Variants in FXR2 observed in about 807,000 individuals in gnomAD.
FXR2 encodes the protein FMR1 autosomal homolog 2, also known as RNA-binding protein FXR2.
A neutral mutation model predicts 87.3 loss-of-function variants in FXR2; 9 were observed. The observed-to-expected ratio is 0.10, with a 90% CI of 0.06 to 0.18. The LOEUF is 0.18. Ranked by LOEUF, FXR2 falls within the 10% of genes least tolerant of loss-of-function variation. FXR2 has a pLI of 1.00. For missense variants in FXR2, 661 were observed against 893.6 expected, an observed-to-expected ratio of 0.74 and a Z score of 3.32; for synonymous variants, 331 against 328.3, an observed-to-expected ratio of 1.01 and a Z score of -0.09.
Position 7,603,999 on chromosome 17 carries a change from A to G in FXR2, c.300+10T>C. On this transcript the variant is annotated intron_variant, in intron 4 of 16. Coordinates refer to ENST00000250113, the MANE Select transcript of FXR2 (RefSeq NM_004860.4). ...TCAGTAGTTCTCCAAAGGCATTCCC[A>G]GTCACTCACATCTCCCTTCATCATC... The G allele has an allele frequency of 6.3e-7, 1 of 1,597,110 alleles. No homozygotes were observed. The highest frequency in any genetic ancestry group is 1.7e-4 in the Middle Eastern group (1 of 6,046).
intron 1 of FXR2, among the ~76,000 whole-genome samples, chr17:7,607,339 GA>G (rs948438306): frequency 3.3e-5 from 5 of 150,460 alleles, no homozygotes; most frequent in Admixed American, 2.7e-4. Context: ...AAAAGAAAAA[GA>G]AAAAGAAATC....
chr17:7,614,237 G>A, intron 1 of FXR2: 2 of 687,542 alleles, frequency 2.9e-6, no homozygotes, highest in East Asian at 2.7e-5. Flanking sequence ...GGAGATGGGG[G>A]TAGAAGCAGG....
At chr17:7,605,924 C>T in intron 2 of FXR2, 173 bp downstream of exon 2, 1 of 643,850 alleles carries the variant, frequency 1.6e-6, no homozygotes, top group Non-Finnish European at 2.7e-6. Flanking sequence ...GGGTCAAATG[C>T]CCCCACCCTC....
At chr17:7,614,184 A>AGCCT in intron 1 of FXR2, 1 of 661,742 alleles carries the variant, frequency 1.5e-6, no homozygotes. Context: ...CGGAGCGGGG[A>AGCCT]GCGCCAAGCC....
rs147657325 is a variant in FXR2 at position 7,601,157 on chromosome 17, C to T, written c.660+252G>A. Among the ~76,000 whole-genome samples, 1,329 of 146,248 alleles carry T rather than the reference C, an allele frequency of 9.1e-3. 19 individuals carry two copies. Among genetic ancestry groups the T allele is most frequent in the African/African-American group, 0.031 (1,239 of 39,374 alleles). Reference sequence around the variant, plus strand: ...TCGTGTCATTGCACTCCAGCCTAGGCGACACAGCGAGACTCTGTCTCCCAA... The same window carrying T: ...TCGTGTCATTGCACTCCAGCCTAGGTGACACAGCGAGACTCTGTCTCCCAA... On this transcript the variant is annotated intron_variant, in intron 7 of 16. Coordinates refer to ENST00000250113, the MANE Select transcript of FXR2 (RefSeq NM_004860.4).
chr17:7,606,157 G>A lies in FXR2; in HGVS notation c.82-8C>T. 2 of 1,536,572 alleles carry A rather than the reference G, an allele frequency of 1.3e-6. No homozygotes were observed. The highest frequency in any genetic ancestry group is 1.4e-5 in the African/African-American group (1 of 72,606). Reference sequence around the variant, plus strand: ...GACATCCTTCACAAAGCCCTAGAATGGATTTTAGAAAAAAGCAAAAAAAAT... The same window carrying A: ...GACATCCTTCACAAAGCCCTAGAATAGATTTTAGAAAAAAGCAAAAAAAAT... On this transcript the variant is annotated splice_polypyrimidine_tract_variant and splice_region_variant and intron_variant, in intron 1 of 16. Coordinates refer to ENST00000250113, the MANE Select transcript of FXR2 (RefSeq NM_004860.4).
Position 7,592,485 on chromosome 17 carries a change from G to T in FXR2, c.1825+19C>A. On this transcript the variant is annotated intron_variant, in intron 15 of 16. Coordinates refer to ENST00000250113, the MANE Select transcript of FXR2 (RefSeq NM_004860.4). The surrounding 1 kb of genome is among the most constrained non-coding windows in gnomAD (Gnocchi z 4.8). ...CTCTCAGCTCTGAGGAAGGATTCTG[G>T]TGTCCAGAGTTGGCTGACCTGGCTG... 1 of 1,606,248 alleles carries T rather than the reference G, an allele frequency of 6.2e-7. No homozygotes were observed. The highest frequency in any genetic ancestry group is 1.1e-5 in the South Asian group (1 of 90,948).
chr17:7,593,452 G>T lies in FXR2; in HGVS notation c.1281C>A (p.Gly427=). 1 of 1,589,546 alleles carries T rather than the reference G, an allele frequency of 6.3e-7. No homozygotes were observed. The highest frequency in any genetic ancestry group is 8.6e-7 in the Non-Finnish European group (1 of 1,168,816). Residue 427 remains glycine (G), a synonymous_variant, in exon 12 of 17, where the codon GGC becomes GGA. Coordinates refer to ENST00000250113, the MANE Select transcript of FXR2 (RefSeq NM_004860.4). This position sits in a 1 kb window ranked among gnomAD's most constrained non-coding sequence, Gnocchi z 6.1. ...SSLHATRTYG[G]SYGGRGRGRR... ...GGCCACGGCCACGGCCCCCATAGCT[G>T]CCCCCATAGGTTCGAGTCGCATGGA...
chr17:7,604,116 AC>A (rs1567751715), intron 3 of FXR2, 36 bp from the exon 4 acceptor site: 1 of 1,467,932 alleles, frequency 6.8e-7, no homozygotes, highest in Admixed American at 2.0e-5. Flanking sequence ...GATATTGAAG[AC>A]CACCCAAAAG....
At chr17:7,611,352 C>A (rs1307246165) in intron 1 of FXR2, among the ~76,000 whole-genome samples, 1 of 152,070 alleles carries the variant, frequency 6.6e-6, no homozygotes. Context: ...ACTTAGATCC[C>A]AGATCTAATA....
Position 7,593,651 on chromosome 17 carries a change from G to A in FXR2, c.1108-26C>T. ...CTGGTTGGGTAAAAGATGGAAGAAG[G>A]GGAAGGAGAAATAAGATCAGTGCCT... is the stretch of plus-strand genomic sequence containing the variant. On this transcript the variant is annotated intron_variant, in intron 11 of 16. Transcript: ENST00000250113. This position sits in a 1 kb window ranked among gnomAD's most constrained non-coding sequence, Gnocchi z 6.1. 1 of 1,480,830 alleles carries A rather than the reference G, an allele frequency of 6.8e-7. No individual in the cohort carries two copies. The highest frequency in any genetic ancestry group is 9.2e-7 in the Non-Finnish European group (1 of 1,083,162). 91.7% of individuals were successfully genotyped at this position (1,480,830 alleles called of 1,614,324 possible).
chr17:7,606,023 G>T, intron 2 of FXR2, 74 bp downstream of exon 2: 1 of 966,410 alleles, frequency 1.0e-6, no homozygotes, highest in South Asian at 1.4e-5. Flanking sequence ...TGCCTCATAG[G>T]ACTCAGCTGC....
intron 1 of FXR2, among the ~76,000 whole-genome samples, chr17:7,609,728 T>G (rs1297831849): frequency 6.6e-6 from 1 of 151,782 alleles, no homozygotes; most frequent in East Asian, 1.9e-4. Flanking sequence ...TCCTCCCCAC[T>G]CCCACAACCA....
In FXR2 at chr17:7,591,964, G is replaced by T. The variant is rs745662727; in HGVS notation, c.1927-39C>A. On this transcript the variant is annotated intron_variant, in intron 16 of 16. Coordinates refer to ENST00000250113, the MANE Select transcript of FXR2 (RefSeq NM_004860.4). This position sits in a 1 kb window ranked among gnomAD's most constrained non-coding sequence, Gnocchi z 4.0. Reference sequence around the variant, plus strand: ...GGGAAAGAAAACAGAAAAGCAAGAAGCGGTGAGTAGAAATTCAGGTGGGAG... The same window carrying T: ...GGGAAAGAAAACAGAAAAGCAAGAATCGGTGAGTAGAAATTCAGGTGGGAG... 1.5e-6 allele frequency: 2 copies of T among 1,326,836 alleles called. No individual in the cohort carries two copies. The highest frequency in any genetic ancestry group is 2.5e-5 in the South Asian group (2 of 80,334). 82.2% of individuals were successfully genotyped at this position (1,326,836 alleles called of 1,614,324 possible). A position where few individuals can be genotyped will look rare whatever the true frequency, so the allele number is the denominator to read the frequency against.
intron 5 of FXR2, among the ~76,000 whole-genome samples, 170 bp from the exon 6 acceptor site, chr17:7,603,172 C>A (rs1262548258): frequency 2.0e-5 from 3 of 149,372 alleles, no homozygotes; most frequent in Non-Finnish European, 4.4e-5. Flanking sequence ...CATAGTGAGA[C>A]CCTGTCTCTA....
chr17:7,606,936 A>G (rs2071807752), intron 1 of FXR2, among the ~76,000 whole-genome samples: 1 of 152,160 alleles, frequency 6.6e-6, no homozygotes, highest in South Asian at 2.1e-4. Flanking sequence ...CCTATTTTTC[A>G]CATACAATTA....
Position 7,593,933 on chromosome 17 carries a change from G to C in FXR2, c.1092C>G (p.His364Gln). 6.2e-7 allele frequency: 1 copy of C among 1,607,262 alleles called. No individual in the cohort carries two copies. The highest frequency in any genetic ancestry group is 8.5e-7 in the Non-Finnish European group (1 of 1,173,792). The stretch of plus-strand genomic sequence containing the variant: ...GCCTGGGTACCTGCAGGTAGGAGAG[G>C]TGATACTCCAGCAAAGCCTGGGCAT... ...ISNAQALLEYHLSYLQEVEQL... is the reference protein window; with the variant it reads ...ISNAQALLEYQLSYLQEVEQL... Residue 364 changes from histidine to glutamine, a missense_variant, in exon 11 of 17, where the codon CAC (histidine) becomes CAG (glutamine). Transcript: ENST00000250113. This position sits in a 1 kb window ranked among gnomAD's most constrained non-coding sequence, Gnocchi z 6.1.
chr17:7,614,170 C>G, intron 1 of FXR2: 1 of 649,128 alleles, frequency 1.5e-6, no homozygotes. Flanking sequence ...AGGGGTCTCT[C>G]CTGCGGAGCG....
At chr17:7,611,246 A>G (rs1466008228) in intron 1 of FXR2, among the ~76,000 whole-genome samples, 3 of 152,154 alleles carry the variant, frequency 2.0e-5, no homozygotes, top group Non-Finnish European at 4.4e-5. Flanking sequence ...TGCCTCCCTC[A>G]ACCCTTGTTA....
Sources: gnomAD v4.1 joint callset for allele counts (sites outside exome capture counted in the v4.1 genomes callset) on GRCh38, gnomAD v4.1.1 for gene constraint, Gnocchi (gnomAD v3.1) non-coding constraint, MANE v1.5 for transcripts, NCBI Gene and HGNC (gene_info 2026-07-23, HGNC 2026-07-21) for gene names.